Variants in COG7 observed in about 807,000 individuals in gnomAD.
COG7 encodes the protein component of oligomeric golgi complex 7, also known as conserved oligomeric Golgi complex subunit 7.
A neutral mutation model predicts 91.5 loss-of-function variants in COG7; 49 were observed. That is an observed-to-expected ratio of 0.54 (90% CI 0.43 to 0.68). The LOEUF (loss-of-function observed/expected upper bound fraction) is 0.68, where lower values mean the gene tolerates loss of function less well. COG7 is among the 30% of genes least tolerant of loss of function. The pLI, the probability that COG7 is intolerant of heterozygous loss-of-function variation, is 0.00. For synonymous variants in COG7, 365 were observed against 388.7 expected (o/e 0.94, Z 0.72); for missense variants, 895 against 961.3 (o/e 0.93, Z 0.91).
chr16:23,442,972 T>C (rs1164843259), intron 3 of COG7, among the ~76,000 whole-genome samples: 1 of 151,474 alleles, frequency 6.6e-6, no homozygotes. Flanking sequence ...AGGTGGAGAC[T>C]GCAGTTAGCC....
intron 11 of COG7, among the ~76,000 whole-genome samples, chr16:23,409,081 G>A (rs945788467): frequency 7.6e-6 from 1 of 132,448 alleles, no homozygotes. Flanking sequence ...GTGTGTGTGT[G>A]TGTGTGTGCG....
At chr16:23,399,230 A>G (rs1362343842) in intron 13 of COG7, among the ~76,000 whole-genome samples, 1 of 151,798 alleles carries the variant, frequency 6.6e-6, no homozygotes, top group Non-Finnish European at 1.5e-5. Context: ...ATTCGGTCTT[A>G]TTTTCTTTGA....
rs1963136759 is a variant in COG7 at position 23,388,833 on chromosome 16, T to C, written c.*87A>G. 6 of 1,603,432 alleles carry C rather than the reference T, an allele frequency of 3.7e-6. No homozygotes were observed. The highest frequency in any genetic ancestry group is 5.1e-6 in the Non-Finnish European group (6 of 1,175,566). Reference sequence around the variant, plus strand: ...TCTTTTTAAAGTAACTTCTGCCCAATCTTGGGCAGAGTTTCTGAGCAAATC... The same window carrying C: ...TCTTTTTAAAGTAACTTCTGCCCAACCTTGGGCAGAGTTTCTGAGCAAATC... On this transcript the variant is annotated 3_prime_UTR_variant, in exon 17 of 17. Coordinates refer to ENST00000307149, the MANE Select transcript of COG7 (RefSeq NM_153603.4).
intron 13 of COG7, among the ~76,000 whole-genome samples, chr16:23,402,192 G>A (rs1963388832): frequency 6.6e-6 from 1 of 152,134 alleles, no homozygotes; most frequent in African/African-American, 2.4e-5. Context: ...CAGCATTATA[G>A]TATAATTCCA....
At chr16:23,447,800 T>A (rs1289464414) in intron 1 of COG7, among the ~76,000 whole-genome samples, 1 of 151,866 alleles carries the variant, frequency 6.6e-6, no homozygotes, top group Non-Finnish European at 1.5e-5. Flanking sequence ...CTCGGGAGGC[T>A]GAGGCAGGAG....
rs766355943 is a variant in COG7 at position 23,398,129 on chromosome 16, T to A, written c.1804A>T (p.Ser602Cys). ...QQLLLISKMD[S>C]WNTAGIGETL... ...TCTCCGATGCCAGCCGTATTCCAGCTCTAAGGGTGGAACGAGAGGACACAA... is the reference window on the plus strand; with the variant it reads ...TCTCCGATGCCAGCCGTATTCCAGCACTAAGGGTGGAACGAGAGGACACAA... The change falls in exon 14 of 17, where the codon AGC becomes TGC. Residue 602 changes from serine to cysteine, a missense_variant and splice_region_variant. Transcript: ENST00000307149. 6.2e-7 allele frequency: 1 copy of A among 1,613,322 alleles called. No homozygotes were observed. Among genetic ancestry groups the A allele is most frequent in the South Asian group, 1.1e-5 (1 of 91,044 alleles).
chr16:23,404,169 AGAG>A (rs1301677664), intron 12 of COG7, among the ~76,000 whole-genome samples: 2 of 152,248 alleles, frequency 1.3e-5, no homozygotes, highest in African/African-American at 4.8e-5. Context: ...CCTCAGGGAT[AGAG>A]GAGGTGGGAA....
At chr16:23,450,940 T>C (rs1420176260) in intron 1 of COG7, among the ~76,000 whole-genome samples, 1 of 152,164 alleles carries the variant, frequency 6.6e-6, no homozygotes, top group Non-Finnish European at 1.5e-5. Context: ...ATGCCTGTAA[T>C]CCCAGCACTT....
In COG7 at chr16:23,417,029, G is replaced by A; in HGVS notation, c.1230C>T (p.Val410=). ...AGGTCCCCAGGCCATTGGTGAATCT[G>A]ACGCATCTGTCAACGGCTGCAGACG... ...GLASAAVDRC[V]RFTNGLGTCG... Residue 410 remains valine, a synonymous_variant, in exon 9 of 17, where the codon GTC becomes GTT. Coordinates refer to ENST00000307149, the MANE Select transcript of COG7 (RefSeq NM_153603.4). 2 of 1,614,222 alleles carry A rather than the reference G, an allele frequency of 1.2e-6. No homozygotes were observed. The highest frequency in any genetic ancestry group is 1.3e-5 in the African/African-American group (1 of 75,058).
chr16:23,410,148 T>C (rs1174457453), intron 11 of COG7, 147 bp downstream of exon 11: 3 of 708,386 alleles, frequency 4.2e-6, no homozygotes, highest in African/African-American at 3.5e-5. Flanking sequence ...ATGACAATAA[T>C]GACACGCTGT....
chr16:23,413,423 G>A, intron 10 of COG7, 25 bp downstream of exon 10: 1 of 1,143,036 alleles, frequency 8.7e-7, no homozygotes, highest in Non-Finnish European at 1.3e-6. Flanking sequence ...TTAGGAACAA[G>A]CTTGAATTAC....
At chr16:23,392,240 T>A in intron 16 of COG7, 140 bp downstream of exon 16, 1 of 1,524,870 alleles carries the variant, frequency 6.6e-7, no homozygotes, top group Non-Finnish European at 8.8e-7. Flanking sequence ...AGAACCTGAA[T>A]TTTCAACCAG....
chr16:23,401,289 C>T (rs1963372610), intron 13 of COG7, among the ~76,000 whole-genome samples: 1 of 152,158 alleles, frequency 6.6e-6, no homozygotes, highest in Non-Finnish European at 1.5e-5. Flanking sequence ...TGCTGGCACC[C>T]TCGGAGTGCT....
intron 10 of COG7, among the ~76,000 whole-genome samples, chr16:23,411,412 C>T (rs537352763): frequency 3.7e-4 from 57 of 152,342 alleles, no homozygotes; most frequent in African/African-American, 1.3e-3. Context: ...ACTTCCCTTA[C>T]GTGCAACAGA....
rs142763585 is a variant in COG7 at position 23,441,942 on chromosome 16, T to C, written c.604+535A>G. 7.2e-3 allele frequency: 1,113 copies of C among 154,532 alleles called. 18 individuals are homozygous for C. The highest frequency in any genetic ancestry group is 0.026 in the African/African-American group (1,068 of 41,490). The allele number at this position is 154,532 out of a possible 1,614,324, so 9.6% of individuals were successfully genotyped here. A position where few individuals can be genotyped will look rare whatever the true frequency, so the allele number is the denominator to read the frequency against. The stretch of plus-strand genomic sequence containing the variant: ...CATTCTGCGGGAAAAGAAAAATAAA[T>C]ATAGATGGCAGAAGACAATGAAGAA... On this transcript the variant is annotated intron_variant, in intron 4 of 16. Transcript: ENST00000307149.
At chr16:23,393,913 C>T (rs1963241556) in intron 14 of COG7, among the ~76,000 whole-genome samples, 1 of 151,968 alleles carries the variant, frequency 6.6e-6, no homozygotes, top group Non-Finnish European at 1.5e-5. Context: ...TGGTGGCAGG[C>T]ACCTGTAATC....
At chr16:23,407,680 T>C (rs1003297151) in intron 11 of COG7, among the ~76,000 whole-genome samples, 1 of 152,196 alleles carries the variant, frequency 6.6e-6, no homozygotes, top group Admixed American at 6.5e-5. Flanking sequence ...ACACGGACTG[T>C]TCTTCATTTG....
At chr16:23,397,463 C>T (rs1414041512) in intron 14 of COG7, among the ~76,000 whole-genome samples, 2 of 152,166 alleles carry the variant, frequency 1.3e-5, no homozygotes, top group Admixed American at 6.5e-5. Flanking sequence ...GTGCAGGTGT[C>T]TGGGTGACTG....
At chr16:23,405,731 G>A (rs1009269930) in intron 12 of COG7, among the ~76,000 whole-genome samples, 1 of 151,878 alleles carries the variant, frequency 6.6e-6, no homozygotes, top group African/African-American at 2.4e-5. Context: ...TGGCCAGACT[G>A]GTCTTAAACT....
Sources: gnomAD v4.1 joint callset for allele counts (sites outside exome capture counted in the v4.1 genomes callset) on GRCh38, gnomAD v4.1.1 for gene constraint, MANE v1.5 for transcripts, NCBI Gene and HGNC (gene_info 2026-07-23, HGNC 2026-07-21) for gene names.